Variants in HCN1 observed in about 807,000 individuals in gnomAD.
HCN1 encodes the protein potassium/sodium hyperpolarization-activated cyclic nucleotide-gated channel 1.
Under a neutral mutation model 78.9 loss-of-function variants are expected in HCN1, and 13 were observed. That is an observed-to-expected ratio of 0.16 (90% CI 0.11 to 0.26). The LOEUF is 0.26. Among genes scored for constraint, HCN1 ranks in the 10% least tolerant of loss-of-function variants. The pLI, the probability that HCN1 is intolerant of heterozygous loss-of-function variation, is 1.00. For synonymous variants in HCN1, 552 were observed against 455.5 expected (o/e 1.21, Z -2.70); for missense variants, 810 against 1,154.3 (o/e 0.70, Z 4.32).
At chr5:45,314,117 G>T (rs1209914982) in intron 5 of HCN1, among the ~76,000 whole-genome samples, 4 of 152,138 alleles carry the variant, frequency 2.6e-5, no homozygotes, top group East Asian at 1.9e-4. Context: ...CAGAGAGAAA[G>T]GTCGGGTTAC....
chr5:45,363,647 T>C (rs1469102167), intron 4 of HCN1, among the ~76,000 whole-genome samples: 1 of 152,026 alleles, frequency 6.6e-6, no homozygotes, highest in African/African-American at 2.4e-5. Context: ...TTCCCATATG[T>C]TGTGGGAGGG....
chr5:45,285,551 T>C (rs1334291611), intron 6 of HCN1, among the ~76,000 whole-genome samples: 2 of 151,956 alleles, frequency 1.3e-5, no homozygotes, highest in Admixed American at 6.6e-5. Context: ...TTTTACTGTA[T>C]TCAGCCCTGA....
At chr5:45,343,591 C>T (rs1294848240) in intron 5 of HCN1, among the ~76,000 whole-genome samples, 2 of 152,070 alleles carry the variant, frequency 1.3e-5, no homozygotes, top group African/African-American at 4.8e-5. Flanking sequence ...GTGAGAATGA[C>T]TAAAGAATGT....
At chr5:45,632,599 C>A (rs540304586) in intron 2 of HCN1, among the ~76,000 whole-genome samples, 3 of 152,028 alleles carry the variant, frequency 2.0e-5, no homozygotes, top group African/African-American at 7.2e-5. Flanking sequence ...TTATCTAACC[C>A]GAAATTCTGG....
chr5:45,344,570 T>C (rs1167484552), intron 5 of HCN1, among the ~76,000 whole-genome samples: 1 of 152,166 alleles, frequency 6.6e-6, no homozygotes, highest in Non-Finnish European at 1.5e-5. Context: ...TAAATACAGC[T>C]ATTCTAAATG....
chr5:45,677,398 A>G (rs1029285973), intron 1 of HCN1, among the ~76,000 whole-genome samples: 1 of 151,844 alleles, frequency 6.6e-6, no homozygotes, highest in Non-Finnish European at 1.5e-5. Flanking sequence ...CTAAATGCAA[A>G]AGGGCTGGAG....
chr5:45,364,449 A>G (rs1747192046), intron 4 of HCN1, among the ~76,000 whole-genome samples: 1 of 151,824 alleles, frequency 6.6e-6, no homozygotes, highest in African/African-American at 2.4e-5. Flanking sequence ...TCAATGGTCC[A>G]GCAGAGAACA....
chr5:45,516,955 A>C (rs1742526749), intron 2 of HCN1, among the ~76,000 whole-genome samples: 1 of 151,988 alleles, frequency 6.6e-6, no homozygotes, highest in Admixed American at 6.6e-5. Flanking sequence ...TTCTCAGGAT[A>C]ATATTCAGGA....
chr5:45,330,617 T>C (rs888007009), intron 5 of HCN1, among the ~76,000 whole-genome samples: 10 of 151,018 alleles, frequency 6.6e-5, no homozygotes, highest in Admixed American at 4.6e-4. Flanking sequence ...GACTCATCAA[T>C]AATTTTTAAT....
chr5:45,475,068 G>T (rs2111660429), intron 2 of HCN1, among the ~76,000 whole-genome samples: 1 of 151,998 alleles, frequency 6.6e-6, no homozygotes, highest in South Asian at 2.1e-4. Flanking sequence ...AATTCTCATA[G>T]AAACTAATTG....
At chr5:45,329,436 G>A (rs972157092) in intron 5 of HCN1, among the ~76,000 whole-genome samples, 1 of 151,278 alleles carries the variant, frequency 6.6e-6, no homozygotes, top group Non-Finnish European at 1.5e-5. Flanking sequence ...TAGGGAGTGG[G>A]GGATAATATT....
At chr5:45,584,758 G>A (rs1290984988) in intron 2 of HCN1, among the ~76,000 whole-genome samples, 2 of 152,148 alleles carry the variant, frequency 1.3e-5, no homozygotes. Flanking sequence ...TTGCTTGTCT[G>A]TAAAGGATTT....
intron 3 of HCN1, among the ~76,000 whole-genome samples, chr5:45,434,910 G>T (rs534732706): frequency 6.6e-6 from 1 of 152,044 alleles, no homozygotes. Flanking sequence ...TCATCCAAAA[G>T]AGCCAATAGA....
chr5:45,312,881 C>T (rs1745885374), intron 5 of HCN1, among the ~76,000 whole-genome samples: 1 of 152,188 alleles, frequency 6.6e-6, no homozygotes, highest in Admixed American at 6.5e-5. Context: ...GCTCGACCTG[C>T]ATGGAGCCCC....
chr5:45,405,337 A>T (rs1000927878), intron 3 of HCN1, among the ~76,000 whole-genome samples: 9 of 152,202 alleles, frequency 5.9e-5, no homozygotes, highest in Non-Finnish European at 1.0e-4. Context: ...ATCTGTAAAC[A>T]GTTGGTCTTT....
intron 2 of HCN1, among the ~76,000 whole-genome samples, chr5:45,596,670 T>A (rs1302245667): frequency 6.6e-6 from 1 of 152,154 alleles, no homozygotes; most frequent in Admixed American, 6.5e-5. Context: ...TAAACTAGGA[T>A]CCCTAGGTGA....
At chr5:45,293,865 C>G (rs1745430827) in intron 6 of HCN1, among the ~76,000 whole-genome samples, 1 of 151,562 alleles carries the variant, frequency 6.6e-6, no homozygotes, top group African/African-American at 2.4e-5. Flanking sequence ...CAAGACCTGA[C>G]AAGAAAAGAA....
At chr5:45,544,858 A>C (rs1743178518) in intron 2 of HCN1, among the ~76,000 whole-genome samples, 1 of 152,166 alleles carries the variant, frequency 6.6e-6, no homozygotes, top group Non-Finnish European at 1.5e-5. Flanking sequence ...ACTGATGGAC[A>C]TTTGGACTGG....
intron 2 of HCN1, among the ~76,000 whole-genome samples, chr5:45,545,349 T>C (rs140502597): frequency 0.072 from 10,965 of 152,164 alleles, 578 homozygotes; most frequent in Middle Eastern, 0.15. Context: ...GGATATTAGC[T>C]CTTTGTCAGA....
Sources: gnomAD v4.1 joint callset for allele counts (sites outside exome capture counted in the v4.1 genomes callset) on GRCh38, gnomAD v4.1.1 for gene constraint, MANE v1.5 for transcripts, NCBI Gene and HGNC (gene_info 2026-07-23, HGNC 2026-07-21) for gene names.